LARGE1: variants seen among roughly 807,000 people sequenced by gnomAD.
The protein encoded by LARGE1 is LARGE xylosyl- and glucuronyltransferase 1.
Under a neutral mutation model 87.6 loss-of-function variants are expected in LARGE1, and 43 were observed. The observed-to-expected ratio is 0.49, with a 90% CI of 0.38 to 0.63. LARGE1 has a LOEUF of 0.63. LARGE1 is among the 30% of genes least tolerant of loss of function. The probability of loss-of-function intolerance (pLI) is 0.00; values close to 1 mark genes in which losing one functional copy is unlikely to be tolerated. For missense variants in LARGE1, 802 were observed against 1,000.2 expected (o/e 0.80, Z 2.67); for synonymous variants, 434 against 394.6 (o/e 1.10, Z -1.18).
At chr22:33,134,277 G>A in the LARGE1 span, among the ~76,000 whole-genome samples, 1 of 45,454 alleles carries the variant, frequency 2.2e-5, no homozygotes, top group African/African-American at 9.5e-5. Context: ...TTTTTTTTTT[G>A]AGACAGAGTC....
At chr22:33,488,787 A>C (rs2069696950) in intron 6 of LARGE1, among the ~76,000 whole-genome samples, 1 of 152,180 alleles carries the variant, frequency 6.6e-6, no homozygotes, top group Admixed American at 6.5e-5. Flanking sequence ...AACGCTTTGT[A>C]ATATTCCAAG....
chr22:33,705,394 G>C (rs2082531526), intron 2 of LARGE1, among the ~76,000 whole-genome samples: 1 of 152,188 alleles, frequency 6.6e-6, no homozygotes, highest in Non-Finnish European at 1.5e-5. Context: ...CACAATTTAT[G>C]GTTCTTGTGA....
In LARGE1 at chr22:33,403,542, G is replaced by C. The variant is rs140519168; in HGVS notation, c.893-19238C>G. On this transcript the variant is annotated intron_variant, in intron 7 of 14. Coordinates refer to ENST00000397394, the MANE Select transcript of LARGE1 (RefSeq NM_133642.5). ...TGTTGTAAACACTTAGAAGGTCTGA[G>C]GCCTAGGTTAATTCTAGTCTGCTAC... Among the ~76,000 whole-genome samples, 346 of 152,250 alleles carry C rather than the reference G, an allele frequency of 2.3e-3. 1 individual carries two copies. The highest frequency in any genetic ancestry group is 7.9e-3 in the African/African-American group (330 of 41,548).
chr22:33,150,647 GGTTC>G, the LARGE1 span, among the ~76,000 whole-genome samples: 2 of 152,148 alleles, frequency 1.3e-5, no homozygotes, highest in African/African-American at 2.4e-5. Flanking sequence ...CTTAGGTTAA[GGTTC>G]AATTTTTGCC....
intron 1 of LARGE1, among the ~76,000 whole-genome samples, chr22:33,846,807 T>C (rs2063445677): frequency 6.6e-6 from 1 of 152,136 alleles, no homozygotes; most frequent in East Asian, 1.9e-4. Context: ...AGGAAATTCC[T>C]GCCTAATAAA....
intron 6 of LARGE1, among the ~76,000 whole-genome samples, chr22:33,546,519 C>T (rs921868257): frequency 7.2e-5 from 11 of 152,172 alleles, no homozygotes; most frequent in African/African-American, 2.4e-4. Flanking sequence ...TCTTTGACTG[C>T]CCTTCGGAAT....
chr22:33,878,350 CA>C (rs1401712431), intron 1 of LARGE1, among the ~76,000 whole-genome samples: 1 of 151,640 alleles, frequency 6.6e-6, no homozygotes, highest in East Asian at 1.9e-4. Context: ...AGGCTGGTCG[CA>C]AACTCCTGAC....
intron 6 of LARGE1, among the ~76,000 whole-genome samples, chr22:33,527,680 A>C (rs2071982224): frequency 6.6e-6 from 1 of 152,186 alleles, no homozygotes; most frequent in South Asian, 2.1e-4. Context: ...TCATCTGCCC[A>C]GATGTGGAAC....
chr22:33,287,283 G>T (rs1931728307), intron 12 of LARGE1, among the ~76,000 whole-genome samples: 1 of 152,128 alleles, frequency 6.6e-6, no homozygotes, highest in Non-Finnish European at 1.5e-5. Flanking sequence ...CAATATACTG[G>T]AAGACCCAAA....
chr22:33,700,999 G>C (rs1486643334), intron 2 of LARGE1, among the ~76,000 whole-genome samples: 3 of 152,170 alleles, frequency 2.0e-5, no homozygotes, highest in African/African-American at 4.8e-5. Context: ...CCCTGTAAGA[G>C]GAACATGGAT....
chr22:33,122,501 G>C, the LARGE1 span, among the ~76,000 whole-genome samples: 11 of 152,040 alleles, frequency 7.2e-5, no homozygotes, highest in Admixed American at 6.5e-4. Flanking sequence ...TGGGATTACA[G>C]GTGCCTATCA....
intron 7 of LARGE1, among the ~76,000 whole-genome samples, chr22:33,408,414 CAT>C (rs766736048): frequency 1.2e-4 from 19 of 152,278 alleles, no homozygotes; most frequent in South Asian, 2.1e-4. Context: ...TCCTTGCACA[CAT>C]GTTTTTGTGT....
At chr22:33,168,523 A>G (rs1387047780) in intron 11 of LARGE1, among the ~76,000 whole-genome samples, 4 of 152,262 alleles carry the variant, frequency 2.6e-5, no homozygotes, top group African/African-American at 9.6e-5. Context: ...ATGTGCAGGA[A>G]GAAACTAAGA....
At chr22:33,904,344 C>G (rs1217903502) in intron 1 of LARGE1, among the ~76,000 whole-genome samples, 2 of 152,164 alleles carry the variant, frequency 1.3e-5, no homozygotes, top group Admixed American at 6.5e-5. Context: ...TTAGTAGAGA[C>G]AGGGTTTCAC....
intron 5 of LARGE1, among the ~76,000 whole-genome samples, chr22:33,595,357 T>A (rs1265899889): frequency 6.6e-6 from 1 of 152,164 alleles, no homozygotes; most frequent in African/African-American, 2.4e-5. Flanking sequence ...TGCTTTTAAA[T>A]GAGTTTAAGA....
chr22:33,194,532 G>C (rs1923965009), intron 11 of LARGE1, among the ~76,000 whole-genome samples: 1 of 152,100 alleles, frequency 6.6e-6, no homozygotes, highest in Non-Finnish European at 1.5e-5. Flanking sequence ...CCTAATGTCT[G>C]GGTTATATGA....
At chr22:33,901,980 A>G (rs1213256765) in intron 1 of LARGE1, among the ~76,000 whole-genome samples, 1 of 152,242 alleles carries the variant, frequency 6.6e-6, no homozygotes, top group Non-Finnish European at 1.5e-5. Flanking sequence ...GAGACAGACC[A>G]GACAATGAAC....
chr22:33,130,310 T>C, the LARGE1 span, among the ~76,000 whole-genome samples: 1 of 37,900 alleles, frequency 2.6e-5, no homozygotes, highest in Non-Finnish European at 4.1e-5. Context: ...TGAGATTCCG[T>C]CTCAAAAAAA....
intron 5 of LARGE1, among the ~76,000 whole-genome samples, chr22:33,602,820 G>C (rs1391366891): frequency 6.6e-6 from 1 of 152,130 alleles, no homozygotes; most frequent in Non-Finnish European, 1.5e-5. Flanking sequence ...GCACACTTCG[G>C]TGTCTTCTTA....
Sources: gnomAD v4.1 joint callset for allele counts (sites outside exome capture counted in the v4.1 genomes callset) on GRCh38, gnomAD v4.1.1 for gene constraint, MANE v1.5 for transcripts, NCBI Gene and HGNC (gene_info 2026-07-23, HGNC 2026-07-21) for gene names.